Variants in DPP10 observed in about 807,000 individuals in gnomAD.
DPP10 encodes the protein dipeptidyl peptidase like 10.
Under a neutral mutation model 120.9 loss-of-function variants are expected in DPP10, and 33 were observed. The ratio of observed to expected loss-of-function variants is 0.27; its 90% CI spans 0.21 to 0.37. The LOEUF is 0.37. Ranked by LOEUF, DPP10 falls within the 10% of genes least tolerant of loss-of-function variation. The probability of loss-of-function intolerance (pLI) is 1.00; values close to 1 mark genes in which losing one functional copy is unlikely to be tolerated. For synonymous variants in DPP10, 337 were observed against 326.1 expected, an observed-to-expected ratio of 1.03 and a Z score of -0.36; for missense variants, 816 against 942.8, an observed-to-expected ratio of 0.87 and a Z score of 1.76.
At chr2:114,502,591 T>C (rs1170499044) in intron 1 of DPP10, among the ~76,000 whole-genome samples, 2 of 152,230 alleles carry the variant, frequency 1.3e-5, no homozygotes, top group Admixed American at 6.5e-5. Flanking sequence ...AAGTAACCTA[T>C]GTTTTGAGCT....
At chr2:114,868,874 G>A (rs766758519) in intron 1 of DPP10, among the ~76,000 whole-genome samples, 6 of 152,218 alleles carry the variant, frequency 3.9e-5, no homozygotes, top group East Asian at 3.9e-4. Flanking sequence ...GCTCTGCCAC[G>A]TCTTAACTGT....
intron 1 of DPP10, among the ~76,000 whole-genome samples, chr2:114,958,603 A>G (rs1487963609): frequency 6.6e-6 from 1 of 152,180 alleles, no homozygotes; most frequent in African/African-American, 2.4e-5. Flanking sequence ...TCATTCTATA[A>G]TGTAAGCATA....
chr2:115,462,074 T>C (rs537768333), intron 3 of DPP10, among the ~76,000 whole-genome samples: 25 of 152,284 alleles, frequency 1.6e-4, no homozygotes, highest in Admixed American at 7.2e-4. Flanking sequence ...AATCCAAAGG[T>C]GCCTCAAGCT....
chr2:115,229,540 C>G (rs1312872571), intron 1 of DPP10, among the ~76,000 whole-genome samples: 1 of 151,980 alleles, frequency 6.6e-6, no homozygotes, highest in African/African-American at 2.4e-5. Flanking sequence ...AGTCTTTTAT[C>G]CATGTTTATT....
At chr2:115,790,371 G>A (rs562871733) in intron 17 of DPP10, among the ~76,000 whole-genome samples, 19 of 152,214 alleles carry the variant, frequency 1.2e-4, no homozygotes, top group Admixed American at 9.8e-4. Context: ...GAGCCACCGC[G>A]CCCGGCCTAG....
chr2:114,474,505 G>T (rs1310758680), intron 1 of DPP10, among the ~76,000 whole-genome samples: 2 of 152,120 alleles, frequency 1.3e-5, no homozygotes, highest in African/African-American at 4.8e-5. Flanking sequence ...ACCTACCATG[G>T]TATCTTTCTC....
At chr2:115,305,741 C>A (rs113789488) in intron 1 of DPP10, among the ~76,000 whole-genome samples, 30 of 151,506 alleles carry the variant, frequency 2.0e-4, no homozygotes, top group African/African-American at 7.0e-4. Flanking sequence ...CTCTCTCTAA[C>A]AACATTTTTT....
At chr2:114,628,335 C>T (rs1238751075) in intron 1 of DPP10, among the ~76,000 whole-genome samples, 2 of 152,126 alleles carry the variant, frequency 1.3e-5, no homozygotes, top group African/African-American at 2.4e-5. Context: ...TTGAATCAGA[C>T]ATCCAGATTC....
intron 1 of DPP10, among the ~76,000 whole-genome samples, chr2:115,197,252 C>A (rs542705538): frequency 6.6e-6 from 1 of 151,876 alleles, no homozygotes; most frequent in Non-Finnish European, 1.5e-5. Context: ...ATTAGCCGGG[C>A]GTGGTGGTGC....
chr2:115,428,573 C>G (rs1479052035), intron 3 of DPP10, among the ~76,000 whole-genome samples: 1 of 152,030 alleles, frequency 6.6e-6, no homozygotes, highest in African/African-American at 2.4e-5. Flanking sequence ...AGGTGCCACA[C>G]ACTTTTAAAC....
intron 1 of DPP10, among the ~76,000 whole-genome samples, chr2:115,228,388 TA>T (rs1433745339): frequency 6.6e-6 from 1 of 152,104 alleles, no homozygotes; most frequent in Admixed American, 6.6e-5. Flanking sequence ...TTAGTTATTT[TA>T]AAATATAGAA....
At chr2:114,792,966 T>G (rs1270117485) in intron 1 of DPP10, among the ~76,000 whole-genome samples, 1 of 151,238 alleles carries the variant, frequency 6.6e-6, no homozygotes, top group Non-Finnish European at 1.5e-5. Context: ...CTTGGTCTTG[T>G]GGACCACCAA....
At chr2:114,517,606 T>C (rs1375470512) in intron 1 of DPP10, among the ~76,000 whole-genome samples, 1 of 152,230 alleles carries the variant, frequency 6.6e-6, no homozygotes, top group Admixed American at 6.5e-5. Flanking sequence ...CTCATATTTT[T>C]ATTACCAGTT....
chr2:114,971,615 C>T (rs902722226), intron 1 of DPP10, among the ~76,000 whole-genome samples: 1 of 151,886 alleles, frequency 6.6e-6, no homozygotes, highest in African/African-American at 2.4e-5. Flanking sequence ...TATATCATGA[C>T]TAAAAAGTAA....
In DPP10 at chr2:115,191,991, A is replaced by G. The variant is rs575051423; in HGVS notation, c.61-117248A>G. ...AAGCATCTCATAATAGGATAGGCCT[A>G]TGTCTTTTTGGGGAACAGTTCAGAC... On this transcript the variant is annotated intron_variant, in intron 1 of 25. Transcript: ENST00000410059. 2.3e-3 allele frequency among the ~76,000 whole-genome samples: 347 copies of G among 152,270 alleles called. 8 individuals carry two copies. The highest frequency in any genetic ancestry group is 4.4e-4 in the Non-Finnish European group (30 of 68,020).
At chr2:114,754,044 A>G (rs890866598) in intron 1 of DPP10, among the ~76,000 whole-genome samples, 1 of 152,170 alleles carries the variant, frequency 6.6e-6, no homozygotes, top group Non-Finnish European at 1.5e-5. Context: ...AGTGATTAGT[A>G]GTTGCTTAGT....
At chr2:115,632,090 T>C (rs1473387357) in intron 5 of DPP10, among the ~76,000 whole-genome samples, 2 of 152,208 alleles carry the variant, frequency 1.3e-5, no homozygotes, top group Non-Finnish European at 2.9e-5. Context: ...TGAATCTGGG[T>C]TCTTCTGTAT....
intron 1 of DPP10, among the ~76,000 whole-genome samples, chr2:115,281,301 G>A (rs923381483): frequency 3.3e-5 from 5 of 152,120 alleles, no homozygotes; most frequent in East Asian, 1.9e-4. Context: ...TCTGTGTTCC[G>A]AAGACTTATT....
chr2:114,957,547 A>G (rs1444529387), intron 1 of DPP10, among the ~76,000 whole-genome samples: 1 of 152,152 alleles, frequency 6.6e-6, no homozygotes, highest in Non-Finnish European at 1.5e-5. Flanking sequence ...GTTCCTCAAT[A>G]AACTAAAAAT....
Sources: gnomAD v4.1 joint callset for allele counts (sites outside exome capture counted in the v4.1 genomes callset) on GRCh38, gnomAD v4.1.1 for gene constraint, MANE v1.5 for transcripts, NCBI Gene and HGNC (gene_info 2026-07-23, HGNC 2026-07-21) for gene names.